SNTG2: variants seen among roughly 807,000 people sequenced by gnomAD.
The protein encoded by SNTG2 is syntrophin gamma 2, also known as gamma-2-syntrophin.
SNTG2 carries 74 observed loss-of-function variants against 70.9 expected under a neutral mutation model. That is an observed-to-expected ratio of 1.04 (90% CI 0.86 to 1.27). The LOEUF (loss-of-function observed/expected upper bound fraction) is 1.27, where lower values mean the gene tolerates loss of function less well. Ranked by LOEUF, SNTG2 falls within the 50% of genes most tolerant of loss-of-function variation. The pLI, the probability that SNTG2 is intolerant of heterozygous loss-of-function variation, is 0.00. For missense variants in SNTG2, 717 were observed against 690.7 expected (o/e 1.04, Z -0.43); for synonymous variants, 278 against 273.8 (o/e 1.02, Z -0.15).
intron 1 of SNTG2, among the ~76,000 whole-genome samples, chr2:1,010,223 C>T (rs1001764723): frequency 2.0e-5 from 3 of 151,904 alleles, no homozygotes; most frequent in Non-Finnish European, 4.4e-5. Flanking sequence ...AAAGATGGGA[C>T]CCAGAACTCA....
chr2:1,129,057 C>A (rs532102145), intron 4 of SNTG2, among the ~76,000 whole-genome samples: 4 of 152,114 alleles, frequency 2.6e-5, no homozygotes, highest in African/African-American at 9.7e-5. Flanking sequence ...GCAGAGGAAT[C>A]GACCTCGAAT....
At chr2:1,103,675 A>G (rs1396358234) in intron 4 of SNTG2, among the ~76,000 whole-genome samples, 3 of 152,164 alleles carry the variant, frequency 2.0e-5, no homozygotes, top group Non-Finnish European at 4.4e-5. Context: ...GGCGTGAGCC[A>G]CCGCGCCTGG....
intron 8 of SNTG2, among the ~76,000 whole-genome samples, chr2:1,193,858 CAA>C (rs1191697422): frequency 3.3e-5 from 5 of 152,246 alleles, no homozygotes. Flanking sequence ...GAAAACAAAA[CAA>C]AACAACTTCT....
chr2:1,332,406 A>T (rs892484523), intron 16 of SNTG2, among the ~76,000 whole-genome samples: 6 of 152,224 alleles, frequency 3.9e-5, no homozygotes, highest in Admixed American at 3.9e-4. Context: ...AGAAAGACGG[A>T]ATCCTCCCTA....
chr2:1,154,343 TA>T (rs1442923576), intron 6 of SNTG2, among the ~76,000 whole-genome samples: 2 of 152,214 alleles, frequency 1.3e-5, no homozygotes, highest in Non-Finnish European at 2.9e-5. Context: ...CTTCCAGTTT[TA>T]AGGCGAGCGG....
intron 9 of SNTG2, among the ~76,000 whole-genome samples, chr2:1,220,547 A>G (rs1674685064): frequency 1.3e-5 from 2 of 152,064 alleles, no homozygotes; most frequent in Non-Finnish European, 2.9e-5. Flanking sequence ...TTTCAGAGGA[A>G]CCCCACAGCC....
intron 4 of SNTG2, among the ~76,000 whole-genome samples, chr2:1,130,055 T>G (rs1482894578): frequency 6.6e-6 from 1 of 152,214 alleles, no homozygotes; most frequent in Non-Finnish European, 1.5e-5. Context: ...TCATCTTACA[T>G]TCTTGGCCAA....
chr2:1,146,857 C>T (rs1162380056), intron 6 of SNTG2, among the ~76,000 whole-genome samples: 1 of 152,212 alleles, frequency 6.6e-6, no homozygotes, highest in African/African-American at 2.4e-5. Flanking sequence ...ACCTTACACC[C>T]TCCCTAAAAA....
chr2:965,342 GT>G lies in SNTG2; in HGVS notation c.72+14275del, dbSNP rs1660512960. Among the ~76,000 whole-genome samples, 8 of 101,770 alleles carry G rather than the reference GT, an allele frequency of 7.9e-5. 1 individual carries two copies. The highest frequency in any genetic ancestry group is 3.3e-4 in the African/African-American group (8 of 24,340). The allele number at this position is 101,770 out of a possible 152,430, so 66.8% of individuals were successfully genotyped here. ...TCCTTGGACCCCAATCCTCCTCCTG[GT>G]CCCCAGTCCTCCTCCTGGTCCCCAA... On this transcript the variant is annotated intron_variant, in intron 1 of 16. Coordinates refer to ENST00000308624, the MANE Select transcript of SNTG2 (RefSeq NM_018968.4).
intron 14 of SNTG2, among the ~76,000 whole-genome samples, chr2:1,269,882 T>C (rs944971116): frequency 4.6e-5 from 7 of 152,128 alleles, no homozygotes; most frequent in Non-Finnish European, 1.0e-4. Context: ...TAAGTGGGTG[T>C]GGGCATCCAT....
intron 12 of SNTG2, among the ~76,000 whole-genome samples, chr2:1,255,820 G>GTATATA (rs34364320): frequency 1.7e-5 from 1 of 59,620 alleles, no homozygotes; most frequent in Non-Finnish European, 3.3e-5. Context: ...AAAGTTGTAT[G>GTATATA]TATATATATA....
chr2:991,231 G>A (rs1661480476), intron 1 of SNTG2, among the ~76,000 whole-genome samples: 1 of 152,162 alleles, frequency 6.6e-6, no homozygotes, highest in South Asian at 2.1e-4. Context: ...GAAAGTCTAT[G>A]TATTAATGTC....
At chr2:1,313,255 G>A (rs926312252) in intron 15 of SNTG2, among the ~76,000 whole-genome samples, 1 of 152,238 alleles carries the variant, frequency 6.6e-6, no homozygotes. Flanking sequence ...GAACTGCAAA[G>A]CTGCTCTTTA....
intron 14 of SNTG2, among the ~76,000 whole-genome samples, chr2:1,289,275 C>T (rs1437491365): frequency 6.6e-6 from 1 of 152,068 alleles, no homozygotes; most frequent in African/African-American, 2.4e-5. Context: ...GACTGGGGTC[C>T]TGTTCTCACC....
chr2:1,255,835 TATATATAAATATATATAA>T (rs1198178287), intron 12 of SNTG2, among the ~76,000 whole-genome samples: 135 of 83,786 alleles, frequency 1.6e-3, no homozygotes, highest in Middle Eastern at 5.7e-3. Context: ...TATATATAAA[TATATATAAATATATATAA>T]ATATATATAA....
intron 1 of SNTG2, among the ~76,000 whole-genome samples, chr2:959,606 C>T (rs374303537): frequency 3.6e-4 from 54 of 151,374 alleles, no homozygotes; most frequent in African/African-American, 1.2e-3. Context: ...AGTCTCAGGG[C>T]GGCCTTTGCT....
chr2:1,023,403 G>A (rs142258453), intron 1 of SNTG2, among the ~76,000 whole-genome samples: 1 of 151,958 alleles, frequency 6.6e-6, no homozygotes, highest in African/African-American at 2.4e-5. Context: ...GCTGGATGGT[G>A]GTAAATCTAT....
intron 4 of SNTG2, among the ~76,000 whole-genome samples, chr2:1,115,713 G>T (rs1366179730): frequency 1.7e-5 from 2 of 117,192 alleles, no homozygotes; most frequent in Non-Finnish European, 2.0e-5. Context: ...AGGATCGTGT[G>T]TACTAAGTGA....
In SNTG2 at chr2:1,174,552, T is replaced by G. The variant is rs142980315; in HGVS notation, c.591+1369T>G. ...TTATAAATGTCTCTTGGCTATTCCATAAGGTAGAATTTCTGAGTGCTAGAT... is the reference window on the plus strand; with the variant it reads ...TTATAAATGTCTCTTGGCTATTCCAGAAGGTAGAATTTCTGAGTGCTAGAT... On this transcript the variant is annotated intron_variant, in intron 8 of 16. Coordinates refer to ENST00000308624, the MANE Select transcript of SNTG2 (RefSeq NM_018968.4). Among the ~76,000 whole-genome samples the G allele has an allele frequency of 7.5e-3, 1,142 of 152,332 alleles. 5 individuals are homozygous for G. Among genetic ancestry groups the G allele is most frequent in the South Asian group, 0.016 (78 of 4,826 alleles).
Sources: allele counts gnomAD v4.1 joint callset (sites outside exome capture counted in the v4.1 genomes callset), GRCh38; gene constraint gnomAD v4.1.1; transcripts MANE v1.5; gene names NCBI Gene and HGNC (gene_info 2026-07-23, HGNC 2026-07-21).